SAMSN1: variants seen among roughly 807,000 people sequenced by gnomAD.
SAMSN1 encodes the protein SAM domain, SH3 domain and nuclear localization signals 1, also known as SAM domain-containing protein SAMSN-1.
Under a neutral mutation model 42.0 loss-of-function variants are expected in SAMSN1, and 31 were observed. That is an observed-to-expected ratio of 0.74 (90% confidence interval 0.55 to 1.00). The LOEUF (loss-of-function observed/expected upper bound fraction) is 1.00, where lower values mean the gene tolerates loss of function less well. Ranked by LOEUF, SAMSN1 falls within the 50% of genes least tolerant of loss-of-function variation. The pLI is 0.00. For synonymous variants in SAMSN1, 178 were observed against 151.9 expected (o/e 1.17, Z -1.26); for missense variants, 464 against 439.4 (o/e 1.06, Z -0.50).
At chr21:14,539,946 T>C (rs994900006) in intron 1 of SAMSN1, among the ~76,000 whole-genome samples, 5 of 152,026 alleles carry the variant, frequency 3.3e-5, no homozygotes, top group Non-Finnish European at 7.4e-5. Flanking sequence ...AAAACAGAGA[T>C]ATAGACCAAT....
At chr21:14,651,753 G>T (rs1048014675) in intron 1 of SAMSN1, among the ~76,000 whole-genome samples, 4 of 152,014 alleles carry the variant, frequency 2.6e-5, no homozygotes, top group African/African-American at 9.7e-5. Flanking sequence ...GTTTGCAGAT[G>T]ATATGATATG....
chr21:14,501,118 G>A (rs1201154638), intron 5 of SAMSN1, among the ~76,000 whole-genome samples: 1 of 151,974 alleles, frequency 6.6e-6, no homozygotes, highest in Non-Finnish European at 1.5e-5. Flanking sequence ...ACTCCAGCCT[G>A]GGCAACACAG....
chr21:14,589,629 T>C (rs1267420155), intron 7 of SAMSN1, among the ~76,000 whole-genome samples: 1 of 152,142 alleles, frequency 6.6e-6, no homozygotes, highest in Non-Finnish European at 1.5e-5. Context: ...CTCTTGATTT[T>C]ATCACTTCCT....
chr21:14,602,255 C>CTT (rs759123850), intron 5 of SAMSN1, among the ~76,000 whole-genome samples: 53 of 150,102 alleles, frequency 3.5e-4, no homozygotes, highest in African/African-American at 9.3e-4. Context: ...TGCTATTTTT[C>CTT]TTTTTTTTTA....
Position 14,588,618 on chromosome 21 carries a change from AATATG to A in SAMSN1, c.466-4847_466-4843del, listed in dbSNP as rs1981994577. On this transcript the variant is annotated intron_variant, in intron 7 of 15. Transcript: ENST00000647101. ...AACTGACCTCTAGAACTATGCTCCA[AATATG>A]ATGCTCATCCCATCTTCTTCAACTC... 2.0e-5 allele frequency among the ~76,000 whole-genome samples: 3 copies of A among 152,192 alleles called. No individual in the cohort carries two copies. In the South Asian group the frequency reaches 6.2e-4, roughly 31 times the overall value.
chr21:14,586,226 G>T (rs1981911485), upstream of SAMSN1, among the ~76,000 whole-genome samples: 1 of 114,074 alleles, frequency 8.8e-6, no homozygotes, highest in African/African-American at 3.5e-5. Flanking sequence ...TCGCACCACT[G>T]AACTCCAGCC....
rs1262979645 is a variant in SAMSN1, at chr21:14,498,559, C to T, written c.802G>A (p.Glu268Lys). ...YTSTLLLNGY[E>K]TLEDLKDIKE... The stretch of plus-strand genomic sequence containing the variant: ...ATATCTTTTAAATCTTCTAGAGTCT[C>T]ATAACCATTGAGCAAAAGTGTTGAG... Residue 268 changes from glutamate to lysine, a missense_variant, in exon 7 of 8, where the codon GAG (glutamate) becomes AAG (lysine). Physicochemically the swap from Glu to Lys is moderately conservative, Grantham distance 56. Transcript: ENST00000400566. The T allele has an allele frequency of 6.2e-7, 1 of 1,605,364 alleles. No homozygotes were observed. Among genetic ancestry groups the T allele is most frequent in the South Asian group, 1.1e-5 (1 of 89,080 alleles).
chr21:14,633,235 C>G (rs1415269055), intron 2 of SAMSN1, among the ~76,000 whole-genome samples: 1 of 152,064 alleles, frequency 6.6e-6, no homozygotes, highest in East Asian at 1.9e-4. Flanking sequence ...ACCATGCACA[C>G]CCTATTACTT....
exon 2 of SAMSN1, chr21:14,582,293 T>C: frequency 1.3e-6 from 2 of 1,550,788 alleles, no homozygotes; most frequent in Non-Finnish European, 1.7e-6. Flanking sequence ...ATGCCACATG[T>C]AAGCTTCACC....
chr21:14,566,114 C>T (rs1175478769), intron 2 of SAMSN1, among the ~76,000 whole-genome samples: 1 of 152,180 alleles, frequency 6.6e-6, no homozygotes, highest in African/African-American at 2.4e-5. Flanking sequence ...TCATTGACAA[C>T]TCATTGGCAG....
At chr21:14,583,971 A>G (rs1015612959), upstream of SAMSN1, among the ~76,000 whole-genome samples, 1 of 150,556 alleles carries the variant, frequency 6.6e-6, no homozygotes, top group African/African-American at 2.4e-5. Flanking sequence ...ACAACTGGCC[A>G]GGCATACTAA....
chr21:14,627,144 G>A (rs555130004), intron 2 of SAMSN1, among the ~76,000 whole-genome samples: 1 of 152,168 alleles, frequency 6.6e-6, no homozygotes, highest in Non-Finnish European at 1.5e-5. Flanking sequence ...GGGGTAGGGG[G>A]AAGGGATAGC....
chr21:14,544,561 G>A (rs1237026083), intron 1 of SAMSN1, among the ~76,000 whole-genome samples: 1 of 152,112 alleles, frequency 6.6e-6, no homozygotes, highest in Non-Finnish European at 1.5e-5. Context: ...GAAACCATCT[G>A]TCTAATGAAA....
chr21:14,560,914 G>A (rs1980927193), intron 2 of SAMSN1, among the ~76,000 whole-genome samples: 2 of 152,168 alleles, frequency 1.3e-5, no homozygotes, highest in Admixed American at 1.3e-4. Context: ...TATTGTCTCA[G>A]TATTGGAGGC....
At chr21:14,559,721 G>A (rs1980883788) in intron 2 of SAMSN1, among the ~76,000 whole-genome samples, 1 of 151,726 alleles carries the variant, frequency 6.6e-6, no homozygotes, top group Non-Finnish European at 1.5e-5. Flanking sequence ...GCCCAGACTG[G>A]TCTTGAACTC....
intron 5 of SAMSN1, among the ~76,000 whole-genome samples, chr21:14,602,259 T>A (rs1982457112): frequency 6.6e-6 from 1 of 151,712 alleles, no homozygotes; most frequent in African/African-American, 2.4e-5. Flanking sequence ...ATTTTTCTTT[T>A]TTTTTAACAA....
chr21:14,608,600 G>A (rs1019625711), intron 5 of SAMSN1, among the ~76,000 whole-genome samples: 4 of 152,088 alleles, frequency 2.6e-5, no homozygotes, highest in Non-Finnish European at 4.4e-5. Context: ...CAGCAGGAGT[G>A]GCCAAAGGGA....
chr21:14,574,703 T>A (rs1981404879), intron 2 of SAMSN1, among the ~76,000 whole-genome samples: 1 of 152,170 alleles, frequency 6.6e-6, no homozygotes, highest in East Asian at 1.9e-4. Context: ...TACAGAGAAA[T>A]TACATTTTCT....
intron 3 of SAMSN1, among the ~76,000 whole-genome samples, chr21:14,515,732 T>TG (rs759472782): frequency 1.3e-4 from 20 of 152,292 alleles, no homozygotes; most frequent in Middle Eastern, 3.4e-3. Flanking sequence ...TATATTATAT[T>TG]GCATGTCATA....
Sources: allele counts gnomAD v4.1 joint callset (sites outside exome capture counted in the v4.1 genomes callset), GRCh38; gene constraint gnomAD v4.1.1; transcripts MANE v1.5; gene names NCBI Gene and HGNC (gene_info 2026-07-23, HGNC 2026-07-21).